PRKD1: variants seen among roughly 807,000 people sequenced by gnomAD.
The protein encoded by PRKD1 is protein kinase D1, also known as serine/threonine-protein kinase D1.
PRKD1 carries 63 observed loss-of-function variants against 95.9 expected under a neutral mutation model. The observed-to-expected ratio is 0.66, with a 90% CI of 0.54 to 0.81. The LOEUF is 0.81. Ranked by LOEUF, PRKD1 falls within the 30% of genes least tolerant of loss-of-function variation. The probability of loss-of-function intolerance (pLI) is 0.00; values close to 1 mark genes in which losing one functional copy is unlikely to be tolerated. For missense variants in PRKD1, 1,048 were observed against 1,165.3 expected (o/e 0.90, Z 1.47); for synonymous variants, 425 against 423.1 (o/e 1.00, Z -0.05).
chr14:29,612,755 G>A (rs554832280), intron 13 of PRKD1, among the ~76,000 whole-genome samples: 9 of 152,192 alleles, frequency 5.9e-5, no homozygotes, highest in East Asian at 1.9e-4. Flanking sequence ...AAGACAGTAC[G>A]ATTTCCTTAG....
chr14:29,644,382 A>G (rs2139155218), intron 4 of PRKD1, among the ~76,000 whole-genome samples: 1 of 152,312 alleles, frequency 6.6e-6, no homozygotes, highest in South Asian at 2.1e-4. Context: ...GGTGGCCCTC[A>G]GCATCAAGGA....
chr14:29,708,819 C>T (rs908274358), intron 2 of PRKD1, among the ~76,000 whole-genome samples: 1 of 152,128 alleles, frequency 6.6e-6, no homozygotes, highest in Non-Finnish European at 1.5e-5. Context: ...GCAATGTTCA[C>T]ACCACTGCAC....
At chr14:29,621,426 C>T (rs1879259883) in intron 13 of PRKD1, among the ~76,000 whole-genome samples, 1 of 151,960 alleles carries the variant, frequency 6.6e-6, no homozygotes. Flanking sequence ...TTCTTTCCCT[C>T]TCTTTCTTCC....
chr14:29,623,286 T>C (rs1004210731), intron 13 of PRKD1, among the ~76,000 whole-genome samples: 5 of 152,204 alleles, frequency 3.3e-5, no homozygotes, highest in Non-Finnish European at 7.3e-5. Flanking sequence ...GCACATGAGC[T>C]CCCTTAGGAC....
At chr14:29,753,792 T>C (rs11848031) in intron 1 of PRKD1, among the ~76,000 whole-genome samples, 34,421 of 151,956 alleles carry the variant, frequency 0.23, 4,132 homozygotes, top group African/African-American at 0.28. Flanking sequence ...CTACCTGCTA[T>C]ATCATATGCC....
chr14:29,774,473 A>G (rs550501327), intron 1 of PRKD1, among the ~76,000 whole-genome samples: 8 of 152,162 alleles, frequency 5.3e-5, no homozygotes, highest in Non-Finnish European at 1.0e-4. Flanking sequence ...AATAATAATA[A>G]TAACACTTAC....
intron 1 of PRKD1, among the ~76,000 whole-genome samples, chr14:29,736,673 A>G (rs1331072016): frequency 6.6e-6 from 1 of 152,200 alleles, no homozygotes; most frequent in Non-Finnish European, 1.5e-5. Flanking sequence ...AAAACTGGCC[A>G]CTGTGAAAAT....
chr14:29,688,948 C>CAAAAAAAAAAAAA (rs377212196), intron 2 of PRKD1, among the ~76,000 whole-genome samples: 100 of 32,264 alleles, frequency 3.1e-3, no homozygotes, highest in Non-Finnish European at 3.6e-3. Context: ...GACTCCGTCT[C>CAAAAAAAAAAAAA]AAAAAAAAAA....
At chr14:29,725,752 A>T (rs1886110552) in intron 1 of PRKD1, 78 bp from the exon 2 acceptor site, 2 of 1,457,784 alleles carry the variant, frequency 1.4e-6, no homozygotes, top group Non-Finnish European at 1.9e-6. Flanking sequence ...CAGGGCACAA[A>T]TACAAGCTAA....
intron 1 of PRKD1, among the ~76,000 whole-genome samples, chr14:29,796,613 G>T (rs1889829716): frequency 6.6e-6 from 1 of 152,084 alleles, no homozygotes; most frequent in Admixed American, 6.6e-5. Context: ...AAATTAAAAG[G>T]TCTGAAAAAT....
intron 2 of PRKD1, among the ~76,000 whole-genome samples, chr14:29,724,511 C>A (rs2139391603): frequency 6.6e-6 from 1 of 152,290 alleles, no homozygotes; most frequent in African/African-American, 2.4e-5. Flanking sequence ...TCCATCTACA[C>A]AATGAAGTTG....
chr14:29,812,438 G>T (rs1420432246), intron 1 of PRKD1, among the ~76,000 whole-genome samples: 1 of 152,196 alleles, frequency 6.6e-6, no homozygotes, highest in East Asian at 1.9e-4. Context: ...CCTCTCAGGA[G>T]GAAAGCGTTC....
rs761619164 is a variant in PRKD1 at position 29,621,337 on chromosome 14, TATA to T, written c.1905+2812_1905+2814del. Among the ~76,000 whole-genome samples, 16 of 151,320 alleles carry T rather than the reference TATA, an allele frequency of 1.1e-4. No homozygotes were observed. In the East Asian group the frequency reaches 1.6e-3, roughly 15 times the overall value. ...TGCACGTGTACCCTAAAACTTAAAG[TATA>T]ATAATAATAATAATAAAAAGGGTTT... is the stretch of plus-strand genomic sequence containing the variant. On this transcript the variant is annotated intron_variant, in intron 13 of 17. Transcript: ENST00000331968.
chr14:29,630,787 C>T lies in PRKD1; in HGVS notation c.1627G>A (p.Val543Ile), dbSNP rs143339301. 1.2e-4 allele frequency: 193 copies of T among 1,614,082 alleles called. No homozygotes were observed. Among genetic ancestry groups the T allele is most frequent in the Admixed American group, 4.5e-4 (27 of 60,000 alleles). ...EIAIQHALMP[V>I]IPKGSSVGTG... ...CCCACGGAGGAGCCCTTGGGAATGA[C>T]GGGCATAAGGGCATGCTGGATGGCT... Residue 543 changes from valine to isoleucine, a missense_variant, in exon 10 of 18, where the codon GTC (valine) becomes ATC (isoleucine). By Grantham distance (29) the Val-to-Ile change is conservative. This residue lies in a region of PRKD1 where 739 missense variants were observed against 861.9 expected (regional missense o/e 0.86). Transcript: ENST00000331968.
At chr14:29,836,599 A>G (rs1005861486) in intron 1 of PRKD1, among the ~76,000 whole-genome samples, 5 of 152,168 alleles carry the variant, frequency 3.3e-5, no homozygotes, top group African/African-American at 1.2e-4. Context: ...GGCAGTGGGA[A>G]CTACAACTGC....
intron 1 of PRKD1, among the ~76,000 whole-genome samples, chr14:29,866,782 T>C (rs886868101): frequency 6.6e-6 from 1 of 152,210 alleles, no homozygotes; most frequent in Non-Finnish European, 1.5e-5. Flanking sequence ...AGGAGGTTAC[T>C]AAATGGCATC....
In PRKD1 at chr14:29,620,096, G is replaced by T. The variant is rs991482113; in HGVS notation, c.1905+4056C>A. 3.3e-4 allele frequency among the ~76,000 whole-genome samples: 50 copies of T among 151,682 alleles called. No individual in the cohort carries two copies. In the East Asian group the frequency reaches 9.0e-3, roughly 27 times the overall value. ...GGAAAGGATTCCCTATTTAATAAAT[G>T]GTGCTGGGAAAACTGGCTAGCCATA... On this transcript the variant is annotated intron_variant, in intron 13 of 17. Coordinates refer to ENST00000331968, the MANE Select transcript of PRKD1 (RefSeq NM_002742.3).
chr14:29,707,633 C>T (rs1452662611), intron 2 of PRKD1, among the ~76,000 whole-genome samples: 1 of 152,108 alleles, frequency 6.6e-6, no homozygotes, highest in Non-Finnish European at 1.5e-5. Flanking sequence ...CAGTTTCTTC[C>T]CTGATGCAAC....
chr14:29,908,283 T>A (rs1400340213), intron 1 of PRKD1, among the ~76,000 whole-genome samples: 1 of 152,158 alleles, frequency 6.6e-6, no homozygotes, highest in Non-Finnish European at 1.5e-5. Context: ...ATAAGTTCAA[T>A]ATGCATATTA....
Sources: allele counts gnomAD v4.1 joint callset (sites outside exome capture counted in the v4.1 genomes callset), GRCh38; gene constraint gnomAD v4.1.1; regional missense constraint gnomAD v4.1.1; transcripts MANE v1.5; gene names NCBI Gene and HGNC (gene_info 2026-07-23, HGNC 2026-07-21).